The following IPP variants were observed in gnomAD, a reference collection of about 807,000 sequenced individuals.
IPP encodes the protein actin-binding protein IPP.
A neutral mutation model predicts 64.1 loss-of-function variants in IPP; 41 were observed. That is an observed-to-expected ratio of 0.64 (90% CI 0.50 to 0.83). The LOEUF (loss-of-function observed/expected upper bound fraction) is 0.83. IPP is among the 40% of genes least tolerant of loss of function. The pLI is 0.00. For synonymous variants in IPP, 214 were observed against 235.2 expected (o/e 0.91, Z 0.83); for missense variants, 649 against 703.0 (o/e 0.92, Z 0.87).
chr1:45,749,769 C>T (rs373188916), intron 1 of IPP, among the ~76,000 whole-genome samples: 2 of 151,976 alleles, frequency 1.3e-5, no homozygotes, highest in East Asian at 3.9e-4. Context: ...ATCCGCCCGC[C>T]TCGGCCTCCC....
chr1:45,708,074 T>C (rs978368142), intron 8 of IPP, among the ~76,000 whole-genome samples: 1 of 151,470 alleles, frequency 6.6e-6, no homozygotes, highest in African/African-American at 2.4e-5. Context: ...TTTTTACTTT[T>C]TTTTTTTTGA....
chr1:45,705,787 CAG>C (rs2148549084), intron 8 of IPP, among the ~76,000 whole-genome samples: 1 of 151,386 alleles, frequency 6.6e-6, no homozygotes, highest in East Asian at 2.0e-4. Context: ...GCCTGGGAGA[CAG>C]AGTGAGACAT....
chr1:45,708,750 G>A (rs999325023), intron 8 of IPP, among the ~76,000 whole-genome samples: 4 of 148,826 alleles, frequency 2.7e-5, no homozygotes, highest in Admixed American at 6.7e-5. Flanking sequence ...ATGAAGGAGA[G>A]TCTGAACGCG....
intron 4 of IPP, 123 bp from the exon 5 acceptor site, chr1:45,727,921 T>C: frequency 4.5e-6 from 3 of 661,328 alleles, no homozygotes; most frequent in Non-Finnish European, 6.6e-6. Flanking sequence ...ACATATAATG[T>C]AATATTCTTA....
Position 45,726,724 on chromosome 1 carries a change from C to CTT in IPP, c.1048+905_1048+906dup, listed in dbSNP as rs58547972. 7.6e-3 allele frequency among the ~76,000 whole-genome samples: 1,029 copies of CTT among 135,332 alleles called. 11 individuals carry two copies. The highest frequency in any genetic ancestry group is 0.024 in the African/African-American group (881 of 36,672). The allele number at this position is 135,332 out of a possible 152,430, so 88.8% of individuals were successfully genotyped here. On this transcript the variant is annotated intron_variant, in intron 5 of 8. Coordinates refer to ENST00000396478, the MANE Select transcript of IPP (RefSeq NM_005897.3). ...AATATTGATCTAAATTTTGATGCCA[C>CTT]TTTTTTTTTTTTTTTTGAGATGGAG...
At chr1:45,707,157 C>T (rs991524198) in intron 8 of IPP, among the ~76,000 whole-genome samples, 1 of 152,200 alleles carries the variant, frequency 6.6e-6, no homozygotes, top group African/African-American at 2.4e-5. Flanking sequence ...GGCACAGTGG[C>T]TTACGCCTGT....
At chr1:45,720,544 G>C (rs1419417463) in intron 5 of IPP, among the ~76,000 whole-genome samples, 1 of 152,004 alleles carries the variant, frequency 6.6e-6, no homozygotes, top group African/African-American at 2.4e-5. Flanking sequence ...AATTTATATG[G>C]AAGTACAAAG....
chr1:45,705,805 CAACA>C (rs147394941), intron 8 of IPP, among the ~76,000 whole-genome samples: 43,113 of 151,342 alleles, frequency 0.28, 6,224 homozygotes, highest in South Asian at 0.37. Context: ...GACATCGTCT[CAACA>C]AACAAACAAA....
At position 45,746,229 on chromosome 1, in the gene IPP, G is replaced by T. The variant is rs1646131304; in HGVS notation, c.183C>A (p.Tyr61Ter). 6.2e-7 allele frequency: 1 copy of T among 1,614,032 alleles called. No individual in the cohort carries two copies. ...TTCCTCCAGTGAACAAAGCTGCAAAGTAAGGACTGCTGGCAGCCAAAACCA... is the reference window on the plus strand; with the variant it reads ...TTCCTCCAGTGAACAAAGCTGCAAATTAAGGACTGCTGGCAGCCAAAACCA... The part of the protein sequence containing the change: ...HRLVLAASSP[Y>*]FAALFTGGMK... Residue 61 changes from tyrosine to a stop codon, truncating the protein, a stop_gained, in exon 2 of 9, where the codon TAC (tyrosine) becomes TAA (stop). Coordinates refer to ENST00000396478, the MANE Select transcript of IPP (RefSeq NM_005897.3). LOFTEE classifies it high-confidence loss of function.
At position 45,746,462 on chromosome 1, in the gene IPP, C is replaced by T; in HGVS notation, c.-50-1G>A. 4 of 1,439,350 alleles carry T rather than the reference C, an allele frequency of 2.8e-6. No homozygotes were observed. Among genetic ancestry groups the T allele is most frequent in the Non-Finnish European group, 3.8e-6 (4 of 1,050,344 alleles). 89.2% of individuals were successfully genotyped at this position (1,439,350 alleles called of 1,614,324 possible). On this transcript the variant is annotated splice_acceptor_variant, in intron 1 of 8. Transcript: ENST00000396478. LOFTEE classifies it low-confidence loss of function (5UTR_SPLICE). ...CTGTTGCCCATAATCTGTTACTACC[C>T]TGAAAAACAAAATACAAAGAGATCA...
At chr1:45,744,814 G>A (rs147924761) in intron 2 of IPP, among the ~76,000 whole-genome samples, 1,673 of 151,248 alleles carry the variant, frequency 0.011, 32 homozygotes, top group African/African-American at 0.038. Flanking sequence ...ACTCCAGCCT[G>A]GTGACAGAGC....
rs145885887 is a variant in IPP, at chr1:45,702,524, G to A, written c.1531-2334C>T. Among the ~76,000 whole-genome samples, 84 of 152,142 alleles carry A rather than the reference G, an allele frequency of 5.5e-4. No homozygotes were observed. In the East Asian group the frequency reaches 0.013, roughly 24 times the overall value. ...GGCTGGAGTGCAGTGACATGATCTT[G>A]GCTCACTGCAACCTCTGCCTCCTGG... On this transcript the variant is annotated intron_variant, in intron 8 of 8. Transcript: ENST00000396478.
intron 1 of IPP, among the ~76,000 whole-genome samples, chr1:45,749,306 T>C (rs1646183778): frequency 6.6e-6 from 1 of 152,058 alleles, no homozygotes; most frequent in Non-Finnish European, 1.5e-5. Flanking sequence ...GTCAGTGGAG[T>C]AGGAACGTCA....
chr1:45,725,172 GC>G (rs1464779910), intron 5 of IPP, among the ~76,000 whole-genome samples: 1 of 106,488 alleles, frequency 9.4e-6, no homozygotes, highest in South Asian at 3.2e-4. Context: ...TGGGGGGTCA[GC>G]CCCCCGCCCG....
rs777298556 is a variant in IPP, at chr1:45,741,120, C to A, written c.505G>T (p.Val169Phe). 1 of 1,614,126 alleles carries A rather than the reference C, an allele frequency of 6.2e-7. No individual in the cohort carries two copies. Among genetic ancestry groups the A allele is most frequent in the Non-Finnish European group, 8.5e-7 (1 of 1,179,994 alleles). The part of the protein sequence containing the change: ...ENYIHVHFLE[V>F]HSGEEFLALT... ...GCCAGGAACTCTTCTCCACTATGAACCTCCAAGAAATGGACATGAATGTAG... is the reference window on the plus strand; with the variant it reads ...GCCAGGAACTCTTCTCCACTATGAAACTCCAAGAAATGGACATGAATGTAG... The change falls in exon 3 of 9, where the codon GTT (valine) becomes TTT (phenylalanine). Residue 169 changes from valine (V) to phenylalanine (F), a missense_variant. Physicochemically the swap from Val to Phe is conservative, Grantham distance 50 (BLOSUM62 -1). Coordinates refer to ENST00000396478, the MANE Select transcript of IPP (RefSeq NM_005897.3).
intron 8 of IPP, among the ~76,000 whole-genome samples, chr1:45,711,335 C>T (rs1048109509): frequency 2.0e-5 from 3 of 151,848 alleles, no homozygotes; most frequent in Non-Finnish European, 4.4e-5. Flanking sequence ...GTGAAAACTC[C>T]GTCTCAAAAC....
chr1:45,706,510 C>T (rs1391115136), intron 8 of IPP, among the ~76,000 whole-genome samples: 1 of 152,052 alleles, frequency 6.6e-6, no homozygotes, highest in Admixed American at 6.6e-5. Flanking sequence ...AGTGCAATTG[C>T]GTGATCCCAG....
chr1:45,723,594 A>C (rs138284697), intron 5 of IPP, among the ~76,000 whole-genome samples: 100 of 152,352 alleles, frequency 6.6e-4, no homozygotes, highest in Non-Finnish European at 1.3e-3. Flanking sequence ...TGTGCTCTTT[A>C]TGCAGACAGG....
At chr1:45,730,141 A>T (rs1003999707) in intron 3 of IPP, among the ~76,000 whole-genome samples, 4 of 152,318 alleles carry the variant, frequency 2.6e-5, no homozygotes, top group Admixed American at 6.5e-5. Flanking sequence ...TGAGCCCAGG[A>T]GTTAGAGACC....
Sources: gnomAD v4.1 joint callset for allele counts (sites outside exome capture counted in the v4.1 genomes callset) on GRCh38, gnomAD v4.1.1 for gene constraint, MANE v1.5 for transcripts, NCBI Gene and HGNC (gene_info 2026-07-23, HGNC 2026-07-21) for gene names.